FCHO2: variants seen among roughly 807,000 people sequenced by gnomAD.
FCHO2 encodes F-BAR domain only protein 2.
FCHO2 carries 43 observed loss-of-function variants against 114.1 expected under a neutral mutation model. The observed-to-expected ratio is 0.38, with a 90% CI of 0.30 to 0.49. The LOEUF (loss-of-function observed/expected upper bound fraction) is 0.49, where lower values mean the gene tolerates loss of function less well. FCHO2 is among the 20% of genes least tolerant of loss of function. The pLI is 0.97. For synonymous variants in FCHO2, 293 were observed against 315.2 expected (o/e 0.93, Z 0.75); for missense variants, 807 against 950.4 (o/e 0.85, Z 1.98).
chr5:72,985,353 G>C (rs1418750974), intron 2 of FCHO2, among the ~76,000 whole-genome samples: 1 of 151,832 alleles, frequency 6.6e-6, no homozygotes, highest in African/African-American at 2.4e-5. Context: ...GTAGAGGCAG[G>C]GTTTCACCAT....
intron 20 of FCHO2, among the ~76,000 whole-genome samples, chr5:73,076,121 T>C (rs1742898026): frequency 6.6e-6 from 1 of 152,114 alleles, no homozygotes; most frequent in African/African-American, 2.4e-5. Flanking sequence ...GACCCGTGTC[T>C]AGAAACTAAG....
At chr5:73,060,351 G>C (rs1757797547) in intron 17 of FCHO2, among the ~76,000 whole-genome samples, 1 of 151,908 alleles carries the variant, frequency 6.6e-6, no homozygotes. Context: ...AAAAGAGATA[G>C]TTATCTTGTT....
chr5:73,058,536 T>C lies in FCHO2; in HGVS notation c.1345+12T>C. 10 of 955,190 alleles carry C rather than the reference T, an allele frequency of 1.0e-5. No individual in the cohort carries two copies. The highest frequency in any genetic ancestry group is 1.5e-5 in the Non-Finnish European group (10 of 671,798). 59.2% of individuals were successfully genotyped at this position (955,190 alleles called of 1,614,324 possible). On this transcript the variant is annotated intron_variant, in intron 17 of 25. Coordinates refer to ENST00000430046, the MANE Select transcript of FCHO2 (RefSeq NM_138782.3). The stretch of plus-strand genomic sequence containing the variant: ...TTCATCATCATCAGGTAAATATATA[T>C]ATGTATATATGTATTTTTTTAAATA...
At chr5:73,062,545 A>T (rs1757899721) in intron 17 of FCHO2, among the ~76,000 whole-genome samples, 1 of 152,092 alleles carries the variant, frequency 6.6e-6, no homozygotes, top group Non-Finnish European at 1.5e-5. Flanking sequence ...TCCAGGGTAC[A>T]GCTTCAAGTG....
chr5:72,965,633 C>T (rs567063453), intron 1 of FCHO2, among the ~76,000 whole-genome samples: 29 of 152,154 alleles, frequency 1.9e-4, no homozygotes, highest in Non-Finnish European at 3.8e-4. Context: ...CATTGCATGT[C>T]TATTGAGTTC....
intron 11 of FCHO2, among the ~76,000 whole-genome samples, chr5:73,048,529 TG>T (rs1278752721): frequency 1.3e-5 from 2 of 152,214 alleles, no homozygotes; most frequent in African/African-American, 2.4e-5. Context: ...CCTGCAGATA[TG>T]GAGGAATGGC....
At chr5:73,082,260 C>CTTTTTTT (rs11427541) in intron 23 of FCHO2, among the ~76,000 whole-genome samples, 1 of 140,352 alleles carries the variant, frequency 7.1e-6, no homozygotes. Context: ...CTCTAAACTT[C>CTTTTTTT]TTTTTTTTTT....
At chr5:73,039,369 A>T (rs1230703002) in intron 10 of FCHO2, among the ~76,000 whole-genome samples, 1 of 152,226 alleles carries the variant, frequency 6.6e-6, no homozygotes, top group Non-Finnish European at 1.5e-5. Context: ...GTTTTGGCCT[A>T]AAGCCAGAGA....
intron 2 of FCHO2, among the ~76,000 whole-genome samples, chr5:72,983,174 A>G (rs1362477092): frequency 4.6e-5 from 7 of 152,092 alleles, no homozygotes; most frequent in Admixed American, 2.0e-4. Flanking sequence ...TCAGCCTCCC[A>G]AAGTGCTGGG....
At chr5:72,973,573 T>C (rs1369775532) in intron 2 of FCHO2, among the ~76,000 whole-genome samples, 1 of 151,626 alleles carries the variant, frequency 6.6e-6, no homozygotes, top group Non-Finnish European at 1.5e-5. Context: ...TTTTATTGCG[T>C]CTATTTGATT....
Position 73,063,846 on chromosome 5 carries a change from C to G in FCHO2, c.1351C>G (p.Pro451Ala). Residue 451 changes from proline to alanine, a missense_variant, in exon 18 of 26, where the codon CCC becomes GCC. Coordinates refer to ENST00000430046, the MANE Select transcript of FCHO2 (RefSeq NM_138782.3). ...SSLTSSSSAR[P>A]TTPLSVGTIV... is the part of the protein sequence containing the mutation. Reference sequence around the variant, plus strand: ...CTCTTTTCCCCCTCAACCAGCCAGGCCCACAACTCCTCTTTCTGTAGGCAC... The same window carrying G: ...CTCTTTTCCCCCTCAACCAGCCAGGGCCACAACTCCTCTTTCTGTAGGCAC... 1 of 1,611,378 alleles carries G rather than the reference C, an allele frequency of 6.2e-7. No individual in the cohort carries two copies. The highest frequency in any genetic ancestry group is 8.5e-7 in the Non-Finnish European group (1 of 1,178,484).
At chr5:72,975,242 A>G (rs1461869632) in intron 2 of FCHO2, among the ~76,000 whole-genome samples, 1 of 152,226 alleles carries the variant, frequency 6.6e-6, no homozygotes, top group Non-Finnish European at 1.5e-5. Flanking sequence ...TGGCTAGCAC[A>G]AAGCCTGGAA....
Position 73,033,057 on chromosome 5 carries a change from G to C in FCHO2, c.797-1600G>C, listed in dbSNP as rs113629931. On this transcript the variant is annotated intron_variant, in intron 8 of 25. Transcript: ENST00000430046. ...CATCTCATTGTAAATTGTTACGATA[G>C]GCCTCTAAGGGATTCTAAGAACAAG... is the stretch of plus-strand genomic sequence containing the variant. Among the ~76,000 whole-genome samples, 768 of 152,134 alleles carry C rather than the reference G, an allele frequency of 5.0e-3. 6 individuals are homozygous for C. Among genetic ancestry groups the C allele is most frequent in the African/African-American group, 0.018 (728 of 41,502 alleles).
intron 2 of FCHO2, among the ~76,000 whole-genome samples, chr5:72,985,234 C>T (rs1753445734): frequency 6.6e-6 from 1 of 151,930 alleles, no homozygotes; most frequent in Admixed American, 6.6e-5. Context: ...GATCTTGACT[C>T]ACTGCAACCT....
intron 6 of FCHO2, among the ~76,000 whole-genome samples, chr5:73,009,718 G>A (rs1485969610): frequency 6.6e-6 from 1 of 152,082 alleles, no homozygotes; most frequent in Non-Finnish European, 1.5e-5. Flanking sequence ...TGTATTTTTA[G>A]TAGAGACAGG....
At chr5:73,027,523 A>G (rs74911649) in intron 8 of FCHO2, among the ~76,000 whole-genome samples, 8,176 of 152,066 alleles carry the variant, frequency 0.054, 358 homozygotes, top group Admixed American at 0.12. Flanking sequence ...AAATTTTTCT[A>G]TTTCCTTTAG....
chr5:73,084,003 G>A (rs1160909665), intron 24 of FCHO2, among the ~76,000 whole-genome samples: 1 of 150,854 alleles, frequency 6.6e-6, no homozygotes, highest in Admixed American at 6.6e-5. Flanking sequence ...TCAATTTTCT[G>A]ATGATTATTT....
At chr5:73,068,286 A>G (rs931639765) in intron 18 of FCHO2, among the ~76,000 whole-genome samples, 7 of 152,008 alleles carry the variant, frequency 4.6e-5, no homozygotes, top group African/African-American at 1.7e-4. Flanking sequence ...GGGTGTAGAG[A>G]AATAATTTTC....
At chr5:72,970,940 A>C (rs1752514189) in intron 2 of FCHO2, among the ~76,000 whole-genome samples, 1 of 152,164 alleles carries the variant, frequency 6.6e-6, no homozygotes, top group East Asian at 1.9e-4. Flanking sequence ...TATGAGTGAG[A>C]ATATGCGGTG....
Sources: gnomAD v4.1 joint callset for allele counts (sites outside exome capture counted in the v4.1 genomes callset) on GRCh38, gnomAD v4.1.1 for gene constraint, MANE v1.5 for transcripts, NCBI Gene and HGNC (gene_info 2026-07-23, HGNC 2026-07-21) for gene names.